The following CRTC1 variants were observed in gnomAD, a reference collection of about 807,000 sequenced individuals.
CRTC1 encodes the protein CREB-regulated transcription coactivator 1.
Under a neutral mutation model 66.1 loss-of-function variants are expected in CRTC1, and 18 were observed. That is an observed-to-expected ratio of 0.27 (90% CI 0.19 to 0.40). The LOEUF (loss-of-function observed/expected upper bound fraction) is 0.40, where lower values mean the gene tolerates loss of function less well. Ranked by LOEUF, CRTC1 falls within the 10% of genes least tolerant of loss-of-function variation. The probability of loss-of-function intolerance (pLI) is 1.00; values close to 1 mark genes in which losing one functional copy is unlikely to be tolerated. For missense variants in CRTC1, 669 were observed against 887.9 expected (o/e 0.75, Z 3.13); for synonymous variants, 416 against 398.8 (o/e 1.04, Z -0.51).
intron 1 of CRTC1, among the ~76,000 whole-genome samples, chr19:18,729,000 A>G (rs1026088134): frequency 6.7e-6 from 1 of 149,076 alleles, no homozygotes; most frequent in East Asian, 2.0e-4. Flanking sequence ...TTTAGTAGAG[A>G]CAGGGTTCCA....
chr19:18,706,362 C>T (rs1239411338), intron 1 of CRTC1, among the ~76,000 whole-genome samples: 3 of 151,510 alleles, frequency 2.0e-5, no homozygotes, highest in African/African-American at 7.3e-5. Context: ...CCCATCACCA[C>T]ACTCAGCTAA....
chr19:18,716,421 TTTG>T (rs1310026998), intron 1 of CRTC1, among the ~76,000 whole-genome samples: 1 of 152,030 alleles, frequency 6.6e-6, no homozygotes, highest in African/African-American at 2.4e-5. Context: ...CCAGCTAATT[TTTG>T]TATTTTTAGT....
intron 11 of CRTC1, among the ~76,000 whole-genome samples, chr19:18,772,022 C>T (rs1294043756): frequency 6.6e-6 from 1 of 152,206 alleles, no homozygotes; most frequent in East Asian, 1.9e-4. Context: ...TCCAGAACCA[C>T]TGGCCCAGGA....
intron 1 of CRTC1, among the ~76,000 whole-genome samples, chr19:18,712,290 A>G (rs916308335): frequency 3.5e-5 from 5 of 142,172 alleles, no homozygotes; most frequent in African/African-American, 1.3e-4. Context: ...ACAGGAGCTC[A>G]CTCCGTTGCC....
chr19:18,691,639 GC>G (rs1380055824), intron 1 of CRTC1, among the ~76,000 whole-genome samples: 10 of 151,940 alleles, frequency 6.6e-5, no homozygotes, highest in Non-Finnish European at 1.0e-4. Flanking sequence ...AATGCCCAGA[GC>G]CCCCAGAAGC....
At chr19:18,773,268 C>T (rs1288113929) in intron 11 of CRTC1, among the ~76,000 whole-genome samples, 1 of 152,192 alleles carries the variant, frequency 6.6e-6, no homozygotes, top group African/African-American at 2.4e-5. Flanking sequence ...ATCGGTCCCA[C>T]AGGCCCAGAC....
intron 1 of CRTC1, among the ~76,000 whole-genome samples, chr19:18,691,474 T>C (rs187660073): frequency 1.4e-5 from 2 of 145,986 alleles, no homozygotes; most frequent in Non-Finnish European, 3.0e-5. Context: ...TGAGCCATGA[T>C]TGTACCATTG....
chr19:18,722,965 G>C (rs964343081), intron 1 of CRTC1, among the ~76,000 whole-genome samples: 4 of 151,896 alleles, frequency 2.6e-5, no homozygotes, highest in Admixed American at 2.6e-4. Context: ...TTTTGAGACA[G>C]GGTCTTGCTC....
At chr19:18,732,878 C>G (rs900929866) in intron 1 of CRTC1, among the ~76,000 whole-genome samples, 3 of 151,882 alleles carry the variant, frequency 2.0e-5, no homozygotes, top group Non-Finnish European at 4.4e-5. Context: ...TCACTTGAGG[C>G]CAGGAGTTCA....
In CRTC1 at chr19:18,749,886, G is replaced by T; in HGVS notation, c.538+11G>T. 2 of 1,610,496 alleles carry T rather than the reference G, an allele frequency of 1.2e-6. No homozygotes were observed. The highest frequency in any genetic ancestry group is 1.7e-6 in the Non-Finnish European group (2 of 1,176,936). On this transcript the variant is annotated intron_variant, in intron 5 of 13. Transcript: ENST00000321949. The stretch of plus-strand genomic sequence containing the variant: ...TGCACCAGAAAAGAGGTATGGACAG[G>T]GGACTCGGGTGTCTCTGCTGGGGTG...
intron 1 of CRTC1, among the ~76,000 whole-genome samples, chr19:18,722,390 C>T (rs1485725828): frequency 6.6e-6 from 1 of 152,074 alleles, no homozygotes; most frequent in Non-Finnish European, 1.5e-5. Context: ...TGACTCTGGC[C>T]TTATGTGGAA....
In CRTC1 at chr19:18,747,081, A is replaced by T. The variant is rs760246953; in HGVS notation, c.410A>T (p.Tyr137Phe). 1 of 1,605,892 alleles carries T rather than the reference A, an allele frequency of 6.2e-7. No individual in the cohort carries two copies. The highest frequency in any genetic ancestry group is 1.4e-5 in the African/African-American group (1 of 71,970). Residue 137 changes from tyrosine (Y) to phenylalanine (F), a missense_variant, in exon 4 of 14, where the codon TAC (tyrosine) becomes TTC (phenylalanine). By Grantham distance (22) the Tyr-to-Phe change is conservative. Transcript: ENST00000321949. The part of the protein sequence containing the change: ...QADSCPYGTM[Y>F]LSPPADTSWR... ...GACAGCTGCCCCTATGGCACCATGTACCTCTCACCACCCGCGGACACCAGC... is the reference window on the plus strand; with the variant it reads ...GACAGCTGCCCCTATGGCACCATGTTCCTCTCACCACCCGCGGACACCAGC...
chr19:18,701,715 C>A (rs1490858483), intron 1 of CRTC1, among the ~76,000 whole-genome samples: 1 of 152,132 alleles, frequency 6.6e-6, no homozygotes, highest in Non-Finnish European at 1.5e-5. Context: ...AAGCGATTCT[C>A]CTACCTCAGC....
At chr19:18,702,792 C>A (rs1442836237) in intron 1 of CRTC1, among the ~76,000 whole-genome samples, 1 of 152,104 alleles carries the variant, frequency 6.6e-6, no homozygotes, top group Non-Finnish European at 1.5e-5. Flanking sequence ...CCTCGGCCCC[C>A]CAAAGTGCTG....
intron 9 of CRTC1, among the ~76,000 whole-genome samples, chr19:18,767,831 T>C (rs1331694924): frequency 1.3e-5 from 2 of 152,184 alleles, no homozygotes; most frequent in Non-Finnish European, 2.9e-5. Context: ...TGGTTTTTGT[T>C]CCATAGCTCC....
rs200737794 is a variant in CRTC1 at position 18,777,400 on chromosome 19, C to G, written c.*18C>G. 97 of 1,598,178 alleles carry G rather than the reference C, an allele frequency of 6.1e-5. No individual in the cohort carries two copies. The highest frequency in any genetic ancestry group is 7.8e-5 in the Non-Finnish European group (92 of 1,177,936). On this transcript the variant is annotated 3_prime_UTR_variant, in exon 14 of 14. Coordinates refer to ENST00000321949, the MANE Select transcript of CRTC1 (RefSeq NM_015321.3). The surrounding 1 kb of genome is among the most constrained non-coding windows in gnomAD (Gnocchi z 5.5). Reference sequence around the variant, plus strand: ...GCCTGTGAGCGGGCACGCCGGCACCCTGCCGCTCAGCCGTCCCGACGGCGC... The same window carrying G: ...GCCTGTGAGCGGGCACGCCGGCACCGTGCCGCTCAGCCGTCCCGACGGCGC...
intron 1 of CRTC1, among the ~76,000 whole-genome samples, chr19:18,710,704 T>A (rs1212631776): frequency 2.0e-5 from 3 of 152,244 alleles, no homozygotes; most frequent in Non-Finnish European, 2.9e-5. Context: ...CTCCGCCTCC[T>A]GGGTTCAAGT....
rs1430224380 is a variant in CRTC1 at position 18,777,804 on chromosome 19, C to T, written c.*422C>T. On this transcript the variant is annotated 3_prime_UTR_variant, in exon 14 of 14. Transcript: ENST00000321949. This position sits in a 1 kb window ranked among gnomAD's most constrained non-coding sequence, Gnocchi z 5.5. ...GCGCATTTTCCGACTGTTTGTCCAG[C>T]TCTCACTGCCTTCCTTGGTTCCCGG... 3 of 304,308 alleles carry T rather than the reference C, an allele frequency of 9.9e-6. No homozygotes were observed. Among genetic ancestry groups the T allele is most frequent in the Non-Finnish European group, 1.8e-5 (3 of 162,872 alleles). The allele number at this position is 304,308 out of a possible 1,614,324, so 18.9% of individuals were successfully genotyped here.
chr19:18,705,672 C>T (rs1234932840), intron 1 of CRTC1, among the ~76,000 whole-genome samples: 2 of 152,142 alleles, frequency 1.3e-5, no homozygotes, highest in African/African-American at 4.8e-5. Flanking sequence ...GTGGCTATAC[C>T]ATTTTATGTT....
Sources: allele counts gnomAD v4.1 joint callset (sites outside exome capture counted in the v4.1 genomes callset), GRCh38; gene constraint gnomAD v4.1.1; non-coding constraint Gnocchi (gnomAD v3.1); transcripts MANE v1.5; gene names NCBI Gene and HGNC (gene_info 2026-07-23, HGNC 2026-07-21).